The following RDH10 variants were observed in gnomAD, a reference collection of about 807,000 sequenced individuals.
RDH10 encodes the protein retinol dehydrogenase 10.
Under a neutral mutation model 30.2 loss-of-function variants are expected in RDH10, and 12 were observed. The observed-to-expected ratio is 0.40, with a 90% CI of 0.25 to 0.64. The LOEUF (loss-of-function observed/expected upper bound fraction) is 0.64, where lower values mean the gene tolerates loss of function less well. Ranked by LOEUF, RDH10 falls within the 30% of genes least tolerant of loss-of-function variation. The pLI is 0.43. For synonymous variants in RDH10, 189 were observed against 172.2 expected, an observed-to-expected ratio of 1.10 and a Z score of -0.76; for missense variants, 268 against 445.2, an observed-to-expected ratio of 0.60 and a Z score of 3.58.
intron 2 of RDH10, chr8:73,313,139 A>ATTTGTCC (rs1814599338): frequency 6.6e-6 from 1 of 152,164 alleles, no homozygotes; most frequent in Non-Finnish European, 1.5e-5. Context: ...CTTTAGGCTA[A>ATTTGTCC]TTTGTCCTGA....
At chr8:73,301,282 C>A (rs1257339578) in intron 2 of RDH10, among the ~76,000 whole-genome samples, 1 of 149,752 alleles carries the variant, frequency 6.7e-6, no homozygotes, top group African/African-American at 2.4e-5. Context: ...GATCTCCTGA[C>A]CTCGTGATCC....
At position 73,302,374 on chromosome 8, in the gene RDH10, G is replaced by A. The variant is rs539225583; in HGVS notation, c.525+4945G>A. 2.0e-5 allele frequency among the ~76,000 whole-genome samples: 3 copies of A among 152,316 alleles called. No homozygotes were observed. The South Asian group carries it at 6.2e-4, about 32-fold the overall frequency. On this transcript the variant is annotated intron_variant, in intron 2 of 5. Coordinates refer to ENST00000240285, the MANE Select transcript of RDH10 (RefSeq NM_172037.5). ...ATGTGGGCTGTTTGTATCTGGGTGAGATGTAAAAACTTGAAAGATACCTCT... is the reference window on the plus strand; with the variant it reads ...ATGTGGGCTGTTTGTATCTGGGTGAAATGTAAAAACTTGAAAGATACCTCT...
chr8:73,308,384 T>C (rs1025026871), intron 2 of RDH10, among the ~76,000 whole-genome samples: 7 of 152,220 alleles, frequency 4.6e-5, no homozygotes, highest in African/African-American at 7.2e-5. Flanking sequence ...TCCAAACTTA[T>C]AGTCCAAGCA....
intron 3 of RDH10, among the ~76,000 whole-genome samples, chr8:73,320,389 T>G (rs1814744714): frequency 6.6e-6 from 1 of 152,030 alleles, no homozygotes; most frequent in Admixed American, 6.5e-5. Context: ...TTTCTGCTGT[T>G]GCTTTGAAAA....
At chr8:73,296,238 G>C (rs894100024) in intron 1 of RDH10, among the ~76,000 whole-genome samples, 3 of 151,764 alleles carry the variant, frequency 2.0e-5, no homozygotes, top group African/African-American at 4.8e-5. Flanking sequence ...ACCTGAATCT[G>C]AGTTGTTTTT....
At chr8:73,310,763 A>G (rs7845956) in intron 2 of RDH10, 146,143 of 152,290 alleles carry the variant, frequency 0.96, 70,169 homozygotes, top group East Asian at 1. Flanking sequence ...GGAGATCATC[A>G]AACACTCGTT....
intron 2 of RDH10, among the ~76,000 whole-genome samples, chr8:73,301,616 C>CAGCT (rs397823606): frequency 6.6e-6 from 1 of 151,442 alleles, no homozygotes; most frequent in South Asian, 2.1e-4. Flanking sequence ...AAAAAGTAGC[C>CAGCT]GTGGTGGTGC....
chr8:73,295,829 C>A (rs1409058322), intron 1 of RDH10: 1 of 1,213,818 alleles, frequency 8.2e-7, no homozygotes, highest in Non-Finnish European at 1.0e-6. Flanking sequence ...GGGGAGGGGG[C>A]GGGTTTCCTA....
intron 2 of RDH10, 146 bp downstream of exon 2, chr8:73,297,575 G>A (rs970628372): frequency 4.5e-5 from 28 of 627,458 alleles, no homozygotes; most frequent in Non-Finnish European, 2.3e-5. Flanking sequence ...AAACTGCAGT[G>A]TATGCTGGTT....
Position 73,297,777 on chromosome 8 carries a change from T to C in RDH10, c.525+348T>C, listed in dbSNP as rs538275399. ...AAAACATTGGTTGTTCTTATGAATT[T>C]CTAAAGTCAGGATTTAGGCTTCCAA... On this transcript the variant is annotated intron_variant, in intron 2 of 5. Coordinates refer to ENST00000240285, the MANE Select transcript of RDH10 (RefSeq NM_172037.5). The C allele has an allele frequency of 3.1e-5, 7 of 226,448 alleles. No individual in the cohort carries two copies. In the East Asian group the frequency reaches 6.7e-4, roughly 22 times the overall value. 14.0% of individuals were successfully genotyped at this position (226,448 alleles called of 1,614,324 possible).
chr8:73,321,954 G>A (rs1226719514), intron 4 of RDH10: 1 of 456,172 alleles, frequency 2.2e-6, no homozygotes, highest in East Asian at 6.9e-5. Context: ...GTGTGTGTCT[G>A]TGTGAACATG....
At chr8:73,308,439 A>G (rs1814500351) in intron 2 of RDH10, among the ~76,000 whole-genome samples, 1 of 152,192 alleles carries the variant, frequency 6.6e-6, no homozygotes, top group African/African-American at 2.4e-5. Flanking sequence ...AGGTTTTCTC[A>G]CAGGCTTACC....
chr8:73,297,276 C>G lies in RDH10; in HGVS notation c.372C>G (p.Asn124Lys), dbSNP rs764773069. The G allele has an allele frequency of 6.2e-7, 1 of 1,614,034 alleles. No homozygotes were observed. The highest frequency in any genetic ancestry group is 8.5e-7 in the Non-Finnish European group (1 of 1,179,886). ...TYTCDVGKRE[N>K]VYLTAERVRK... The stretch of plus-strand genomic sequence containing the variant: ...CCTGTGACGTGGGGAAGAGGGAGAA[C>G]GTCTACCTGACGGCTGAAAGAGTCC... Residue 124 changes from asparagine (N) to lysine (K), a missense_variant, in exon 2 of 6, where the codon AAC becomes AAG. Asn to Lys is a moderately conservative substitution (Grantham distance 94). Transcript: ENST00000240285.
intron 2 of RDH10, among the ~76,000 whole-genome samples, chr8:73,309,853 T>C (rs1040970990): frequency 6.6e-6 from 1 of 152,078 alleles, no homozygotes; most frequent in Non-Finnish European, 1.5e-5. Flanking sequence ...TGGCATCTAG[T>C]GGAGAGAGGT....
At chr8:73,316,085 C>T (rs1286687948) in intron 2 of RDH10, among the ~76,000 whole-genome samples, 8 of 152,142 alleles carry the variant, frequency 5.3e-5, no homozygotes, top group African/African-American at 1.9e-4. Context: ...AACACAATCA[C>T]GGCTCACTGT....
At chr8:73,297,734 A>T (rs1814295588) in intron 2 of RDH10, 1 of 277,666 alleles carries the variant, frequency 3.6e-6, no homozygotes, top group Non-Finnish European at 7.1e-6. Flanking sequence ...TGTTTATTTT[A>T]CTTTCTGTTG....
intron 2 of RDH10, among the ~76,000 whole-genome samples, chr8:73,318,853 T>A (rs1408339966): frequency 6.6e-6 from 1 of 152,258 alleles, no homozygotes; most frequent in African/African-American, 2.4e-5. Context: ...CTCTAGACAC[T>A]GTCCCCAAAA....
chr8:73,307,042 AAG>A (rs1380678832), intron 2 of RDH10, among the ~76,000 whole-genome samples: 1 of 152,234 alleles, frequency 6.6e-6, no homozygotes, highest in African/African-American at 2.4e-5. Context: ...TCTCTTGGGA[AAG>A]AGAAGCATAA....
At chr8:73,307,429 A>G (rs1302635806) in intron 2 of RDH10, among the ~76,000 whole-genome samples, 4 of 152,236 alleles carry the variant, frequency 2.6e-5, no homozygotes, top group Non-Finnish European at 5.9e-5. Flanking sequence ...AAAAATAGAT[A>G]GCACTTATAA....
Sources: allele counts gnomAD v4.1 joint callset (sites outside exome capture counted in the v4.1 genomes callset), GRCh38; gene constraint gnomAD v4.1.1; transcripts MANE v1.5; gene names NCBI Gene and HGNC (gene_info 2026-07-23, HGNC 2026-07-21).